DYSF: variants seen among roughly 807,000 people sequenced by gnomAD.
The protein encoded by DYSF is dystrophy-associated fer-1-like 1.
DYSF carries 212 observed loss-of-function variants against 274.9 expected under a neutral mutation model. That is an observed-to-expected ratio of 0.77 (90% CI 0.69 to 0.86). DYSF has a LOEUF of 0.86. DYSF is among the 40% of genes least tolerant of loss of function. The pLI is 0.00. For missense variants in DYSF, 2,666 were observed against 2,783.2 expected (o/e 0.96, Z 0.95); for synonymous variants, 1,091 against 1,078.7 (o/e 1.01, Z -0.22).
At chr2:71,496,881 C>A (rs929295923) in intron 3 of DYSF, among the ~76,000 whole-genome samples, 1 of 152,164 alleles carries the variant, frequency 6.6e-6, no homozygotes, top group African/African-American at 2.4e-5. Flanking sequence ...TTAAGCAAAC[C>A]AATGACCTTT....
intron 22 of DYSF, 59 bp downstream of exon 22, chr2:71,556,130 G>T: frequency 2.9e-6 from 4 of 1,397,966 alleles, no homozygotes; most frequent in Non-Finnish European, 4.0e-6. Flanking sequence ...GGCCTGTTTC[G>T]CTGGGAGTGC....
Position 71,611,534 on chromosome 2 carries a change from G to T in DYSF, c.4129G>T (p.Val1377Leu), listed in dbSNP as rs766274211. ...LANISSPSLV[V>L]ECGGQTVQSC... The stretch of plus-strand genomic sequence containing the variant: ...CAACATCTCCTCCCCCAGCCTCGTG[G>T]TAGAGTGTGGGGGCCAGACGGTGCA... Residue 1377 changes from valine to leucine, a missense_variant, in exon 38 of 56, where the codon GTA becomes TTA. Coordinates refer to ENST00000410020, the MANE Select transcript of DYSF (RefSeq NM_001130987.2). 1 of 1,613,870 alleles carries T rather than the reference G, an allele frequency of 6.2e-7. No homozygotes were observed. The highest frequency in any genetic ancestry group is 1.3e-5 in the African/African-American group (1 of 74,934).
chr2:71,586,229 T>C lies in DYSF; in HGVS notation c.3403-3364T>C, dbSNP rs1372631297. ...GCGTGTGGGTGGAAGTTTGCCCGGA[T>C]TGTGAATCAGGGTGGTACAAAGAGG... On this transcript the variant is annotated intron_variant, in intron 30 of 55. Transcript: ENST00000410020. Among the ~76,000 whole-genome samples, 3 of 152,036 alleles carry C rather than the reference T, an allele frequency of 2.0e-5. No individual in the cohort carries two copies. The East Asian group carries it at 5.8e-4, about 29-fold the overall frequency.
At chr2:71,679,558 G>A (rs1167410765) in intron 53 of DYSF, among the ~76,000 whole-genome samples, 1 of 152,118 alleles carries the variant, frequency 6.6e-6, no homozygotes, top group Non-Finnish European at 1.5e-5. Flanking sequence ...CTGGGTGAAT[G>A]GGCGGGGGTC....
At chr2:71,607,747 G>A (rs1378427286) in intron 36 of DYSF, among the ~76,000 whole-genome samples, 1 of 152,172 alleles carries the variant, frequency 6.6e-6, no homozygotes, top group Non-Finnish European at 1.5e-5. Flanking sequence ...GGGTGGCGTG[G>A]GAGCTTTTGG....
At chr2:71,590,127 G>A in intron 31 of DYSF, 84 bp from the exon 32 acceptor site, 1 of 1,387,186 alleles carries the variant, frequency 7.2e-7, no homozygotes, top group Non-Finnish European at 1.0e-6. Flanking sequence ...CCTTTCTAGG[G>A]ACAGACTCCA....
intron 53 of DYSF, among the ~76,000 whole-genome samples, chr2:71,680,162 C>T (rs1412954648): frequency 6.6e-6 from 1 of 152,168 alleles, no homozygotes; most frequent in Admixed American, 6.5e-5. Context: ...TGTGGTCTTT[C>T]TCTCTGTGTG....
intron 8 of DYSF, 49 bp downstream of exon 8, chr2:71,515,800 C>G: frequency 6.2e-7 from 1 of 1,611,946 alleles, no homozygotes; most frequent in Non-Finnish European, 8.5e-7. Context: ...GCCTTCCAAT[C>G]TGGAAGCCCA....
chr2:71,641,953 G>GTA (rs1558702429), intron 41 of DYSF, among the ~76,000 whole-genome samples: 1 of 152,134 alleles, frequency 6.6e-6, no homozygotes, highest in East Asian at 1.9e-4. Context: ...GGAAAAGAAG[G>GTA]TATATCTTCT....
intron 4 of DYSF, among the ~76,000 whole-genome samples, chr2:71,506,102 G>A (rs1472748220): frequency 1.4e-4 from 21 of 152,186 alleles, no homozygotes; most frequent in Admixed American, 1.1e-3. Context: ...TTGTCCACAC[G>A]GGACACATGT....
chr2:71,539,603 C>G (rs1009836261), intron 17 of DYSF, among the ~76,000 whole-genome samples: 13 of 152,182 alleles, frequency 8.5e-5, no homozygotes, highest in African/African-American at 3.1e-4. Context: ...AGCAACTCAT[C>G]ATCATTTTGT....
At chr2:71,661,190 C>CT (rs112275022) in intron 45 of DYSF, among the ~76,000 whole-genome samples, 2,054 of 134,732 alleles carry the variant, frequency 0.015, 16 homozygotes, top group African/African-American at 0.032. Context: ...TTTGCTAATT[C>CT]TTTTTTTTTT....
intron 30 of DYSF, chr2:71,576,142 C>G (rs1219558896): frequency 6.6e-6 from 1 of 152,310 alleles, no homozygotes; most frequent in African/African-American, 2.4e-5. Context: ...AGGGATGGAG[C>G]GTTCTGATTG....
At chr2:71,475,354 A>G (rs969899961) in intron 1 of DYSF, among the ~76,000 whole-genome samples, 2 of 152,208 alleles carry the variant, frequency 1.3e-5, no homozygotes, top group African/African-American at 2.4e-5. Context: ...CCACCTCGCT[A>G]TAGACTAGGG....
intron 46 of DYSF, among the ~76,000 whole-genome samples, chr2:71,664,730 G>T (rs1431708250): frequency 6.6e-6 from 1 of 152,194 alleles, no homozygotes; most frequent in South Asian, 2.1e-4. Context: ...CCTAGAGAGG[G>T]CTAGGTACCT....
rs2095202530 is a variant in DYSF, at chr2:71,675,375, T to C, written c.5884+1079T>C. Among the ~76,000 whole-genome samples, 4 of 152,294 alleles carry C rather than the reference T, an allele frequency of 2.6e-5. No homozygotes were observed. In the South Asian group the frequency reaches 8.3e-4, roughly 32 times the overall value. ...AAAACGGCAACCCAGGAAGTCAGGA[T>C]CCCTGGTTTCTAGATCCATTCTGCC... On this transcript the variant is annotated intron_variant, in intron 52 of 55. Coordinates refer to ENST00000410020, the MANE Select transcript of DYSF (RefSeq NM_001130987.2).
At chr2:71,526,418 T>TGGGGGGGGGGGGGTGG in intron 13 of DYSF, 72 bp downstream of exon 13, 1 of 261,506 alleles carries the variant, frequency 3.8e-6, no homozygotes. Flanking sequence ...GGGTGGGCGA[T>TGGGGGGGGGGGGGTGG]GGCGGGCGGG....
intron 12 of DYSF, among the ~76,000 whole-genome samples, chr2:71,525,175 T>A (rs2087721896): frequency 6.6e-6 from 1 of 152,150 alleles, no homozygotes; most frequent in African/African-American, 2.4e-5. Context: ...TTAATTGGTC[T>A]AGGGTGTGAC....
rs191788453 is a variant in DYSF, at chr2:71,637,009, A to G, written c.4528-6956A>G. Among the ~76,000 whole-genome samples the G allele has an allele frequency of 1.4e-3, 213 of 152,324 alleles. 1 individual carries two copies. Among genetic ancestry groups the G allele is most frequent in the Middle Eastern group, 3.4e-3 (1 of 294 alleles). On this transcript the variant is annotated intron_variant, in intron 41 of 55. Transcript: ENST00000410020. ...GGCCTGAGTCATTGGTGACCTTGAC[A>G]AGAATGTTTTGAGGGAGGACAGAGA...
Sources: gnomAD v4.1 joint callset for allele counts (sites outside exome capture counted in the v4.1 genomes callset) on GRCh38, gnomAD v4.1.1 for gene constraint, MANE v1.5 for transcripts, NCBI Gene and HGNC (gene_info 2026-07-23, HGNC 2026-07-21) for gene names.